CREB5: variants seen among roughly 807,000 people sequenced by gnomAD.
CREB5 encodes cyclic AMP-responsive element-binding protein 5.
In CREB5, 19 loss-of-function variants were observed where a neutral mutation model predicts 57.1. The ratio of observed to expected loss-of-function variants is 0.33; its 90% CI spans 0.23 to 0.49. The LOEUF is 0.49. CREB5 is among the 20% of genes least tolerant of loss of function. CREB5 has a pLI of 0.99. For synonymous variants in CREB5, 238 were observed against 238.3 expected (o/e 1.00, Z 0.01); for missense variants, 579 against 671.6 (o/e 0.86, Z 1.52).
intron 2 of CREB5, among the ~76,000 whole-genome samples, chr7:28,490,184 CAT>C (rs1562752711): frequency 1.3e-5 from 2 of 152,334 alleles, no homozygotes; most frequent in South Asian, 2.1e-4. Flanking sequence ...AATCACAAGA[CAT>C]ATGTGTCCGT....
chr7:28,691,234 A>G (rs968555125), intron 5 of CREB5, among the ~76,000 whole-genome samples: 1 of 152,114 alleles, frequency 6.6e-6, no homozygotes, highest in Non-Finnish European at 1.5e-5. Context: ...AGCCTGGCCA[A>G]CATGGTGAAA....
At chr7:28,548,257 C>T (rs1313542839) in intron 4 of CREB5, among the ~76,000 whole-genome samples, 1 of 152,144 alleles carries the variant, frequency 6.6e-6, no homozygotes. Context: ...TCTCCTCTAT[C>T]ACTTTTTAGA....
intron 1 of CREB5, among the ~76,000 whole-genome samples, chr7:28,440,712 A>T (rs1042651655): frequency 6.6e-6 from 1 of 152,220 alleles, no homozygotes. Flanking sequence ...ATTCTTCCAG[A>T]TACAGGAAGA....
chr7:28,742,608 C>A (rs549441290), intron 7 of CREB5, among the ~76,000 whole-genome samples: 1 of 151,822 alleles, frequency 6.6e-6, no homozygotes, highest in Non-Finnish European at 1.5e-5. Flanking sequence ...AATGAGCAAA[C>A]CCTTCATCTC....
At chr7:28,712,521 G>T (rs1439503335) in intron 5 of CREB5, among the ~76,000 whole-genome samples, 1 of 54,324 alleles carries the variant, frequency 1.8e-5, no homozygotes, top group Non-Finnish European at 3.8e-5. Context: ...AAAAAAAAGA[G>T]AATTTATTAT....
intron 1 of CREB5, among the ~76,000 whole-genome samples, chr7:28,334,509 G>A (rs1027817774): frequency 1.5e-4 from 23 of 152,180 alleles, no homozygotes; most frequent in African/African-American, 5.1e-4. Context: ...TTTGATAAAC[G>A]TCTACTCAGA....
At chr7:28,590,937 A>G (rs925414424) in intron 5 of CREB5, among the ~76,000 whole-genome samples, 8 of 152,180 alleles carry the variant, frequency 5.3e-5, no homozygotes, top group Non-Finnish European at 8.8e-5. Flanking sequence ...GTTAGGAGTA[A>G]GTGTATTTTT....
rs1199218699 is a variant in CREB5 at position 28,821,691 on chromosome 7, T to A, written c.*2412T>A. 1.3e-5 allele frequency: 2 copies of A among 152,252 alleles called. No homozygotes were observed. The highest frequency in any genetic ancestry group is 6.5e-5 in the Admixed American group (1 of 15,294). 9.4% of individuals were successfully genotyped at this position (152,252 alleles called of 1,614,324 possible). On this transcript the variant is annotated 3_prime_UTR_variant, in exon 11 of 11. Transcript: ENST00000357727. ...GAAGTTAACATTCATATCTCTGTTT[T>A]GAAATCAAAAATCATATTTCAAAAT... is the stretch of plus-strand genomic sequence containing the variant.
intron 1 of CREB5, among the ~76,000 whole-genome samples, chr7:28,355,312 C>T (rs1410789251): frequency 6.6e-6 from 1 of 152,166 alleles, no homozygotes; most frequent in African/African-American, 2.4e-5. Flanking sequence ...TCAGCCGTGG[C>T]TCAGTTTCTT....
rs1802860173 is a variant in CREB5, at chr7:28,718,888, TTC to T, written c.591+11_591+12del. The T allele has an allele frequency of 6.2e-7, 1 of 1,613,904 alleles. No homozygotes were observed. The highest frequency in any genetic ancestry group is 1.7e-5 in the Admixed American group (1 of 59,996). On this transcript the variant is annotated intron_variant, in intron 6 of 10. Transcript: ENST00000357727. ...CCGCCGTCTTGATGCCAGTAAGTGT[TTC>T]TGTGTGTCTCACAATAGCTTGTCAC...
At chr7:28,782,969 G>GTTT (rs531253475) in intron 7 of CREB5, among the ~76,000 whole-genome samples, 47 of 152,278 alleles carry the variant, frequency 3.1e-4, no homozygotes, top group African/African-American at 1.1e-3. Flanking sequence ...GAAAGACACA[G>GTTT]GGAAAGAAGG....
chr7:28,637,737 A>G (rs1199412787), intron 5 of CREB5, among the ~76,000 whole-genome samples: 1 of 152,228 alleles, frequency 6.6e-6, no homozygotes, highest in African/African-American at 2.4e-5. Context: ...GGGTGTTCAT[A>G]AAGATATCTG....
intron 1 of CREB5, among the ~76,000 whole-genome samples, chr7:28,308,135 C>G (rs1785219904): frequency 6.6e-6 from 1 of 152,116 alleles, no homozygotes; most frequent in Non-Finnish European, 1.5e-5. Flanking sequence ...CTTAGGGGCC[C>G]TGATAAGAAC....
intron 1 of CREB5, among the ~76,000 whole-genome samples, chr7:28,481,814 G>C (rs1025811226): frequency 2.0e-5 from 3 of 152,094 alleles, no homozygotes; most frequent in Non-Finnish European, 4.4e-5. Context: ...ACAAAGAGAG[G>C]AGAGAAAGGC....
At chr7:28,550,138 C>T (rs1395520178) in intron 4 of CREB5, among the ~76,000 whole-genome samples, 1 of 152,036 alleles carries the variant, frequency 6.6e-6, no homozygotes, top group African/African-American at 2.4e-5. Flanking sequence ...TCCTCTTCTT[C>T]CTCTCTTCCT....
At chr7:28,622,681 T>G (rs543460643) in intron 5 of CREB5, among the ~76,000 whole-genome samples, 1 of 152,230 alleles carries the variant, frequency 6.6e-6, no homozygotes, top group East Asian at 1.9e-4. Flanking sequence ...AATGACTTAT[T>G]TATGGGCACA....
At chr7:28,708,120 C>G (rs961587260) in intron 5 of CREB5, among the ~76,000 whole-genome samples, 5 of 152,180 alleles carry the variant, frequency 3.3e-5, no homozygotes, top group African/African-American at 1.2e-4. Context: ...CTGAAGCTCT[C>G]TGTTAGGATA....
intron 5 of CREB5, among the ~76,000 whole-genome samples, chr7:28,603,464 A>G (rs1205371889): frequency 1.3e-5 from 2 of 152,150 alleles, no homozygotes; most frequent in Non-Finnish European, 2.9e-5. Context: ...TCTTTGTTCC[A>G]TGTCGTACCA....
chr7:28,658,924 A>G (rs1354202885), intron 5 of CREB5, among the ~76,000 whole-genome samples: 1 of 91,092 alleles, frequency 1.1e-5, no homozygotes, highest in Non-Finnish European at 2.4e-5. Context: ...TCTTTAAATC[A>G]TTGCACTAAA....
Sources: allele counts gnomAD v4.1 joint callset (sites outside exome capture counted in the v4.1 genomes callset), GRCh38; gene constraint gnomAD v4.1.1; transcripts MANE v1.5; gene names NCBI Gene and HGNC (gene_info 2026-07-23, HGNC 2026-07-21).